Variants in NUDT2 observed in about 807,000 individuals in gnomAD.
NUDT2 encodes nudix hydrolase 2.
NUDT2 carries 12 observed loss-of-function variants against 14.2 expected under a neutral mutation model. That is an observed-to-expected ratio of 0.84 (90% CI 0.54 to 1.37). The LOEUF is 1.37. NUDT2 is among the 40% of genes most tolerant of loss of function. The probability of loss-of-function intolerance (pLI) is 0.00; values close to 1 mark genes in which losing one functional copy is unlikely to be tolerated. For missense variants in NUDT2, 167 were observed against 176.7 expected (o/e 0.95, Z 0.31); for synonymous variants, 67 against 67.4 (o/e 0.99, Z 0.03).
intron 1 of NUDT2, among the ~76,000 whole-genome samples, chr9:34,335,954 T>C (rs1838078546): frequency 6.6e-6 from 1 of 152,086 alleles, no homozygotes; most frequent in South Asian, 2.1e-4. Context: ...GTTGTGTTGA[T>C]GGTGGCAGTG....
At chr9:34,335,978 G>C (rs1838079032) in intron 1 of NUDT2, among the ~76,000 whole-genome samples, 1 of 152,052 alleles carries the variant, frequency 6.6e-6, no homozygotes, top group Non-Finnish European at 1.5e-5. Flanking sequence ...TGGAGTTCCT[G>C]TCTTAGGCAG....
intron 1 of NUDT2, among the ~76,000 whole-genome samples, chr9:34,331,418 T>C (rs1471957181): frequency 6.6e-6 from 1 of 152,236 alleles, no homozygotes; most frequent in Non-Finnish European, 1.5e-5. Flanking sequence ...GTTAAGTATC[T>C]TGCTCTAAGT....
chr9:34,343,173 C>G lies in NUDT2; in HGVS notation c.177C>G (p.Thr59=). ...ACTTGGAAACAGCCCTGAGGGAGAC[C>G]CAAGAGGAAGCAGGCATAGAAGCAG... ...EDDLETALRE[T]QEEAGIEAGQ... is the part of the protein sequence containing the mutation. Residue 59 remains threonine, a synonymous_variant, in exon 5 of 5, where the codon ACC becomes ACG. Transcript: ENST00000379158. 1.9e-6 allele frequency: 3 copies of G among 1,613,950 alleles called. No homozygotes were observed. Among genetic ancestry groups the G allele is most frequent in the Non-Finnish European group, 2.5e-6 (3 of 1,179,996 alleles).
At position 34,336,302 on chromosome 9, in the gene NUDT2, C is replaced by T. The variant is rs192315787; in HGVS notation, c.-191C>T. On this transcript the variant is annotated 5_prime_UTR_variant, in exon 2 of 5. Coordinates refer to ENST00000379158, the MANE Select transcript of NUDT2 (RefSeq NM_001161.5). ...AATATGAGATCTTTGTTCACCAGTT[C>T]TACAGTGATGGGGTGCTTCCTTTTG... 1 of 152,272 alleles carries T rather than the reference C, an allele frequency of 6.6e-6. No homozygotes were observed. The highest frequency in any genetic ancestry group is 1.9e-4 in the East Asian group (1 of 5,178). The allele number at this position is 152,272 out of a possible 1,614,324, so 9.4% of individuals were successfully genotyped here. A position where few individuals can be genotyped will look rare whatever the true frequency, so the allele number is the denominator to read the frequency against.
chr9:34,342,627 C>G (rs943898860), intron 4 of NUDT2, among the ~76,000 whole-genome samples: 1 of 152,148 alleles, frequency 6.6e-6, no homozygotes, highest in Non-Finnish European at 1.5e-5. Context: ...TGGGATTGCT[C>G]AAACCCCGAG....
intron 2 of NUDT2, among the ~76,000 whole-genome samples, 188 bp from the exon 3 acceptor site, chr9:34,338,525 C>T (rs1310666263): frequency 2.7e-5 from 4 of 146,486 alleles, no homozygotes; most frequent in Non-Finnish European, 4.5e-5. Context: ...AAAAAAAACT[C>T]AACGAAATAT....
intron 1 of NUDT2, among the ~76,000 whole-genome samples, chr9:34,334,318 G>GT (rs999134207): frequency 4.7e-4 from 71 of 152,200 alleles, no homozygotes; most frequent in African/African-American, 1.7e-3. Context: ...TTTTGTTCAG[G>GT]TTTTTTCTAA....
chr9:34,342,992 C>T (rs1820230397), intron 4 of NUDT2, 132 bp from the exon 5 acceptor site: 2 of 788,146 alleles, frequency 2.5e-6, no homozygotes, highest in Non-Finnish European at 4.1e-6. Context: ...CTACTGCACT[C>T]TGGCCTGGGC....
At chr9:34,337,157 G>T (rs1044820500) in intron 2 of NUDT2, among the ~76,000 whole-genome samples, 4 of 151,832 alleles carry the variant, frequency 2.6e-5, no homozygotes, top group Admixed American at 2.0e-4. Flanking sequence ...GTGCCATCAC[G>T]CCTGGATAAT....
chr9:34,331,021 G>A (rs1463348540), intron 1 of NUDT2, among the ~76,000 whole-genome samples: 1 of 152,160 alleles, frequency 6.6e-6, no homozygotes, highest in East Asian at 1.9e-4. Flanking sequence ...TAGTCAGTGC[G>A]TTGGTGTACT....
intron 1 of NUDT2, among the ~76,000 whole-genome samples, chr9:34,330,279 C>T (rs1353598277): frequency 6.6e-6 from 1 of 152,272 alleles, no homozygotes; most frequent in Admixed American, 6.5e-5. Flanking sequence ...GTGGCGGGCA[C>T]GTATAGTCCC....
At chr9:34,340,215 C>T (rs564262502) in intron 4 of NUDT2, among the ~76,000 whole-genome samples, 66 of 152,182 alleles carry the variant, frequency 4.3e-4, no homozygotes, top group Non-Finnish European at 7.6e-4. Flanking sequence ...GGATTACAGG[C>T]GTGAGCCACC....
intron 2 of NUDT2, among the ~76,000 whole-genome samples, chr9:34,336,719 A>AT (rs112432285): frequency 1.3e-5 from 2 of 150,628 alleles, no homozygotes; most frequent in African/African-American, 4.9e-5. Flanking sequence ...TTTTTTTTCT[A>AT]TTTTTTGAGA....
intron 4 of NUDT2, 93 bp downstream of exon 4, chr9:34,339,259 A>G: frequency 6.7e-7 from 1 of 1,494,590 alleles, no homozygotes; most frequent in Non-Finnish European, 9.1e-7. Context: ...ATTCCCAGTG[A>G]CTGTGTAGCA....
At chr9:34,341,494 G>A (rs1269191898) in intron 4 of NUDT2, among the ~76,000 whole-genome samples, 1 of 152,192 alleles carries the variant, frequency 6.6e-6, no homozygotes, top group Non-Finnish European at 1.5e-5. Flanking sequence ...TGGTTTTTAA[G>A]TGCTAAGTTT....
intron 1 of NUDT2, among the ~76,000 whole-genome samples, chr9:34,330,711 T>C (rs1369759697): frequency 2.0e-5 from 3 of 151,760 alleles, no homozygotes; most frequent in Admixed American, 6.6e-5. Context: ...CCTGTAATCC[T>C]AGCCCTTTGG....
intron 1 of NUDT2, among the ~76,000 whole-genome samples, chr9:34,332,500 C>T (rs1202958255): frequency 2.0e-5 from 3 of 152,176 alleles, no homozygotes; most frequent in Admixed American, 2.0e-4. Context: ...CACTGTCTGT[C>T]GCATGGGATA....
intron 2 of NUDT2, among the ~76,000 whole-genome samples, chr9:34,338,199 TA>T (rs1491199644): frequency 1.2e-5 from 1 of 85,258 alleles, no homozygotes; most frequent in Admixed American, 1.1e-4. Flanking sequence ...AATAAAAGAC[TA>T]AAAAAAATCA....
At chr9:34,333,040 C>A (rs1837988765) in intron 1 of NUDT2, among the ~76,000 whole-genome samples, 1 of 152,104 alleles carries the variant, frequency 6.6e-6, no homozygotes. Context: ...AAACAGTTGG[C>A]TTTCCTCCTC....
Sources: allele counts gnomAD v4.1 joint callset (sites outside exome capture counted in the v4.1 genomes callset), GRCh38; gene constraint gnomAD v4.1.1; transcripts MANE v1.5; gene names NCBI Gene and HGNC (gene_info 2026-07-23, HGNC 2026-07-21).